SPATA17: variants seen among roughly 807,000 people sequenced by gnomAD.
The protein encoded by SPATA17 is spermatogenesis-associated protein 17.
Under a neutral mutation model 62.2 loss-of-function variants are expected in SPATA17, and 53 were observed. The ratio of observed to expected loss-of-function variants is 0.85; its 90% CI spans 0.68 to 1.07. The LOEUF (loss-of-function observed/expected upper bound fraction) is 1.07, where lower values mean the gene tolerates loss of function less well. Ranked by LOEUF, SPATA17 falls within the 50% of genes least tolerant of loss-of-function variation. SPATA17 has a pLI of 0.00. For synonymous variants in SPATA17, 146 were observed against 146.8 expected (o/e 0.99, Z 0.04); for missense variants, 466 against 425.5 (o/e 1.10, Z -0.84).
intron 8 of SPATA17, among the ~76,000 whole-genome samples, chr1:217,796,540 A>T (rs1019625072): frequency 1.3e-5 from 2 of 152,176 alleles, no homozygotes; most frequent in African/African-American, 4.8e-5. Context: ...ATATTTAAAC[A>T]TTACATTTCT....
intron 1 of SPATA17, among the ~76,000 whole-genome samples, chr1:217,645,963 G>A (rs1670171713): frequency 6.6e-6 from 1 of 151,890 alleles, no homozygotes; most frequent in African/African-American, 2.4e-5. Context: ...TCTTATGATT[G>A]GACCTTTTTT....
intron 4 of SPATA17, among the ~76,000 whole-genome samples, chr1:217,679,850 C>T (rs1671038196): frequency 6.6e-6 from 1 of 152,104 alleles, no homozygotes; most frequent in Admixed American, 6.5e-5. Context: ...CTTACTTGAA[C>T]ACAAATTTTT....
chr1:217,711,099 A>G (rs1205842714), intron 5 of SPATA17, among the ~76,000 whole-genome samples: 1 of 152,186 alleles, frequency 6.6e-6, no homozygotes, highest in Non-Finnish European at 1.5e-5. Flanking sequence ...CTTTTTGGAT[A>G]TTATGAAAAG....
At chr1:217,790,785 C>T (rs924961465) in intron 8 of SPATA17, among the ~76,000 whole-genome samples, 1 of 152,130 alleles carries the variant, frequency 6.6e-6, no homozygotes, top group African/African-American at 2.4e-5. Context: ...ATTTCGTAGA[C>T]ATTACTAAAA....
intron 9 of SPATA17, among the ~76,000 whole-genome samples, chr1:217,817,082 A>T (rs939114246): frequency 1.3e-5 from 2 of 152,092 alleles, no homozygotes; most frequent in African/African-American, 2.4e-5. Context: ...AATATTATAG[A>T]AGTTGTATTT....
chr1:217,673,269 T>C (rs1670870190), intron 4 of SPATA17, among the ~76,000 whole-genome samples: 1 of 152,272 alleles, frequency 6.6e-6, no homozygotes, highest in South Asian at 2.1e-4. Flanking sequence ...GGAGGTTTGC[T>C]GTGATATAAG....
intron 6 of SPATA17, 85 bp downstream of exon 6, chr1:217,742,183 T>C (rs1672639985): frequency 2.6e-6 from 4 of 1,512,368 alleles, no homozygotes; most frequent in East Asian, 2.3e-5. Flanking sequence ...GAATGGGACA[T>C]GACTTGTTGA....
intron 8 of SPATA17, among the ~76,000 whole-genome samples, chr1:217,792,318 G>A (rs1674012332): frequency 6.6e-6 from 1 of 151,998 alleles, no homozygotes. Context: ...AAACTAAGGG[G>A]GTGTTTAAAA....
intron 6 of SPATA17, among the ~76,000 whole-genome samples, chr1:217,753,973 G>A (rs948587070): frequency 3.9e-4 from 60 of 152,104 alleles, no homozygotes; most frequent in African/African-American, 1.2e-3. Flanking sequence ...AGTGTCTCAC[G>A]CCTGTAATAC....
intron 5 of SPATA17, among the ~76,000 whole-genome samples, chr1:217,726,302 G>T (rs1394461479): frequency 6.6e-6 from 1 of 152,164 alleles, no homozygotes; most frequent in Non-Finnish European, 1.5e-5. Context: ...ACTGGCTTTT[G>T]TTTCATCAGT....
intron 9 of SPATA17, among the ~76,000 whole-genome samples, chr1:217,829,618 A>T (rs1237078645): frequency 9.8e-6 from 1 of 102,454 alleles, no homozygotes; most frequent in Non-Finnish European, 1.9e-5. Context: ...ACAGAGCGAG[A>T]CTCCATCTCA....
At position 217,750,040 on chromosome 1, in the gene SPATA17, A is replaced by G. The variant is rs1279511761; in HGVS notation, c.519+7942A>G. ...GGTAGGTGACTTCTGGTGATTTGCC[A>G]TATTGTGGAAATTCAGAAGCCTCCC... is the stretch of plus-strand genomic sequence containing the variant. On this transcript the variant is annotated intron_variant, in intron 6 of 10. Transcript: ENST00000366933. 2.3e-5 allele frequency among the ~76,000 whole-genome samples: 3 copies of G among 127,988 alleles called. No individual in the cohort carries two copies. The South Asian group carries it at 7.3e-4, about 31-fold the overall frequency. The allele number at this position is 127,988 out of a possible 152,430, so 84.0% of individuals were successfully genotyped here.
chr1:217,838,871 A>C (rs1675322460), intron 9 of SPATA17, among the ~76,000 whole-genome samples: 1 of 152,124 alleles, frequency 6.6e-6, no homozygotes, highest in Non-Finnish European at 1.5e-5. Flanking sequence ...AGTTGAGAGA[A>C]ATCATTATAC....
chr1:217,804,075 C>G (rs1371425175), intron 9 of SPATA17, among the ~76,000 whole-genome samples: 1 of 151,386 alleles, frequency 6.6e-6, no homozygotes, highest in African/African-American at 2.4e-5. Context: ...TCCTGAACCA[C>G]AAAAGACCCT....
At chr1:217,765,350 A>G (rs968744452) in intron 6 of SPATA17, among the ~76,000 whole-genome samples, 1 of 151,556 alleles carries the variant, frequency 6.6e-6, no homozygotes, top group African/African-American at 2.4e-5. Context: ...GTTTCCTAAT[A>G]TGGAAGCTTA....
At chr1:217,834,369 C>T (rs940801786) in intron 9 of SPATA17, among the ~76,000 whole-genome samples, 1 of 152,064 alleles carries the variant, frequency 6.6e-6, no homozygotes, top group Admixed American at 6.6e-5. Context: ...GCAGGTCTTT[C>T]AGGAGGTATC....
At chr1:217,707,554 G>C (rs1410027978) in intron 5 of SPATA17, among the ~76,000 whole-genome samples, 1 of 152,006 alleles carries the variant, frequency 6.6e-6, no homozygotes, top group East Asian at 1.9e-4. Context: ...TATGATTTTG[G>C]CTGTGCATTT....
chr1:217,747,180 C>G, intron 6 of SPATA17, among the ~76,000 whole-genome samples: 1 of 152,178 alleles, frequency 6.6e-6, no homozygotes, highest in South Asian at 2.1e-4. Flanking sequence ...ATTTATCTTT[C>G]TCTAAAGATT....
At chr1:217,730,611 A>T (rs1358340506) in intron 5 of SPATA17, among the ~76,000 whole-genome samples, 1 of 152,160 alleles carries the variant, frequency 6.6e-6, no homozygotes, top group African/African-American at 2.4e-5. Flanking sequence ...GAGGAAAAAA[A>T]AATTCCTGGG....
Sources: gnomAD v4.1 joint callset for allele counts (sites outside exome capture counted in the v4.1 genomes callset) on GRCh38, gnomAD v4.1.1 for gene constraint, MANE v1.5 for transcripts, NCBI Gene and HGNC (gene_info 2026-07-23, HGNC 2026-07-21) for gene names.